CREBRF: variants seen among roughly 807,000 people sequenced by gnomAD.
CREBRF encodes the protein CREB3 regulatory factor.
CREBRF carries 5 observed loss-of-function variants against 66.1 expected under a neutral mutation model. That is an observed-to-expected ratio of 0.08 (90% CI 0.04 to 0.16). The LOEUF (loss-of-function observed/expected upper bound fraction) is 0.16. Ranked by LOEUF, CREBRF falls within the 10% of genes least tolerant of loss-of-function variation. The pLI is 1.00. For synonymous variants in CREBRF, 229 were observed against 264.4 expected, an observed-to-expected ratio of 0.87 and a Z score of 1.30; for missense variants, 531 against 744.9, an observed-to-expected ratio of 0.71 and a Z score of 3.34.
intron 4 of CREBRF, among the ~76,000 whole-genome samples, chr5:173,102,460 GGCTGGCCTATT>G (rs1160171283): frequency 2.0e-5 from 3 of 152,126 alleles, no homozygotes; most frequent in African/African-American, 7.2e-5. Context: ...TCCTTGGGTA[GGCTGGCCTATT>G]GCTGGAGTCA....
At chr5:173,085,632 G>A in intron 2 of CREBRF, 2 of 611,738 alleles carry the variant, frequency 3.3e-6, no homozygotes, top group Non-Finnish European at 5.9e-6. Context: ...GGCCAGGCTG[G>A]TCTTGAACTC....
Position 173,091,114 on chromosome 5 carries a change from C to T in CREBRF, c.935C>T (p.Ala312Val), listed in dbSNP as rs1267033547. 6.2e-7 allele frequency: 1 copy of T among 1,614,214 alleles called. No homozygotes were observed. The highest frequency in any genetic ancestry group is 8.5e-7 in the Non-Finnish European group (1 of 1,180,046). ...CCCCAGGAAGGTCCTGGGTCACTTG[C>T]AGCAGGAGAGAGCAGCAGTCTTTCT... ...PLPQEGPGSL[A>V]AGESSSLSAS... The change falls in exon 4 of 9, where the codon GCA (alanine) becomes GTA (valine). Residue 312 changes from alanine to valine, a missense_variant. Coordinates refer to ENST00000296953, the MANE Select transcript of CREBRF (RefSeq NM_153607.3).
rs1220646504 is a variant in CREBRF, at chr5:173,134,287, TATACAC to T, written c.*544_*549del. 16 of 164,622 alleles carry T rather than the reference TATACAC, an allele frequency of 9.7e-5. No homozygotes were observed. Among genetic ancestry groups the T allele is most frequent in the African/African-American group, 2.8e-4 (10 of 35,956 alleles). 10.2% of individuals were successfully genotyped at this position (164,622 alleles called of 1,614,324 possible). ...ATAAATATATATATATATATATATA[TATACAC>T]ACACACACACAAATGTCTGTGCAAG... On this transcript the variant is annotated 3_prime_UTR_variant, in exon 9 of 9. Transcript: ENST00000296953.
chr5:173,085,384 G>T, intron 2 of CREBRF: 3 of 1,240,172 alleles, frequency 2.4e-6, no homozygotes, highest in East Asian at 4.7e-5. Flanking sequence ...AGGCTCCAGG[G>T]CAGCCAATAT....
At chr5:173,057,596 A>G (rs1757112516) in intron 1 of CREBRF, 1 of 152,434 alleles carries the variant, frequency 6.6e-6, no homozygotes, top group African/African-American at 2.4e-5. Flanking sequence ...CTGGCCGCCA[A>G]ACCCTGTAAT....
chr5:173,119,506 T>C (rs1477979676), intron 7 of CREBRF, among the ~76,000 whole-genome samples: 1 of 152,220 alleles, frequency 6.6e-6, no homozygotes, highest in Non-Finnish European at 1.5e-5. Flanking sequence ...CATATTTTTG[T>C]GTATTACTCT....
intron 1 of CREBRF, among the ~76,000 whole-genome samples, chr5:173,069,907 A>AT (rs112414901): frequency 0.097 from 14,165 of 145,700 alleles, 781 homozygotes; most frequent in South Asian, 0.16. Context: ...GAAGGAAACA[A>AT]TTTTTTTTTT....
intron 4 of CREBRF, 107 bp downstream of exon 4, chr5:173,091,508 G>C (rs1044512525): frequency 2.0e-6 from 3 of 1,497,368 alleles, no homozygotes; most frequent in Admixed American, 4.7e-5. Flanking sequence ...TTTTAGTTTG[G>C]GAATTAAATG....
At position 173,135,173 on chromosome 5, in the gene CREBRF, A is replaced by G. The variant is rs946401830; in HGVS notation, c.*1428A>G. 2.0e-5 allele frequency: 3 copies of G among 152,500 alleles called. No homozygotes were observed. The highest frequency in any genetic ancestry group is 7.2e-5 in the African/African-American group (3 of 41,458). The allele number at this position is 152,500 out of a possible 1,614,324, so 9.4% of individuals were successfully genotyped here. On this transcript the variant is annotated 3_prime_UTR_variant, in exon 9 of 9. Transcript: ENST00000296953. ...ATTATTGTGCATGTAATATTTTCAA[A>G]GATCAACACAGGCTAAAACAAAAAC...
chr5:173,101,551 GTTTT>G (rs760914746), intron 4 of CREBRF, among the ~76,000 whole-genome samples: 1 of 142,852 alleles, frequency 7.0e-6, no homozygotes, highest in Non-Finnish European at 1.5e-5. Context: ...TCTTAGTGAA[GTTTT>G]TTTTTTTTTT....
chr5:173,122,505 C>G (rs1759159514), intron 7 of CREBRF, among the ~76,000 whole-genome samples: 2 of 149,168 alleles, frequency 1.3e-5, no homozygotes, highest in East Asian at 3.9e-4. Flanking sequence ...CTTACACATT[C>G]TCCATTTCTT....
chr5:173,103,491 A>G (rs1012249201), intron 4 of CREBRF, among the ~76,000 whole-genome samples: 2 of 152,212 alleles, frequency 1.3e-5, no homozygotes, highest in Non-Finnish European at 2.9e-5. Flanking sequence ...AAGGATAGCT[A>G]TAGTTTCTTC....
intron 8 of CREBRF, among the ~76,000 whole-genome samples, chr5:173,127,605 G>A (rs1041006608): frequency 2.0e-5 from 3 of 151,516 alleles, no homozygotes; most frequent in Admixed American, 1.3e-4. Context: ...GACTACAGGC[G>A]CATGCCACCG....
intron 8 of CREBRF, among the ~76,000 whole-genome samples, chr5:173,130,225 T>C (rs1484183128): frequency 6.6e-6 from 1 of 152,212 alleles, no homozygotes. Flanking sequence ...AATTGATCTA[T>C]GTTTGGTTTT....
intron 7 of CREBRF, among the ~76,000 whole-genome samples, chr5:173,118,864 C>A (rs1378251461): frequency 6.6e-6 from 1 of 150,934 alleles, no homozygotes; most frequent in Admixed American, 6.6e-5. Flanking sequence ...CATAGTGAGA[C>A]CCTTGTCTCT....
intron 7 of CREBRF, among the ~76,000 whole-genome samples, chr5:173,121,937 G>C (rs1759148234): frequency 6.6e-6 from 1 of 151,900 alleles, no homozygotes; most frequent in African/African-American, 2.4e-5. Context: ...CACCATCCTA[G>C]TGCAACTGCC....
At chr5:173,075,755 C>T (rs894582122) in intron 1 of CREBRF, among the ~76,000 whole-genome samples, 1 of 152,030 alleles carries the variant, frequency 6.6e-6, no homozygotes, top group African/African-American at 2.4e-5. Flanking sequence ...CACTTCCCTT[C>T]CTTTCCCACC....
chr5:173,091,270 T>A lies in CREBRF; in HGVS notation c.1091T>A (p.Val364Asp), dbSNP rs756475268. Residue 364 changes from valine to aspartate, a missense_variant, in exon 4 of 9, where the codon GTT (valine) becomes GAT (aspartate). Coordinates refer to ENST00000296953, the MANE Select transcript of CREBRF (RefSeq NM_153607.3). ...GAAGATGAGGAGGACGAGGAGGATG[T>A]TGATGATGAGGACCATGATGAAGGA... ...PEEDEEDEED[V>D]DDEDHDEGFG... 37 of 1,613,758 alleles carry A rather than the reference T, an allele frequency of 2.3e-5. No homozygotes were observed. In the East Asian group the frequency reaches 8.2e-4, roughly 36 times the overall value.
chr5:173,100,082 G>GTGTGTT (rs199600192), intron 4 of CREBRF, among the ~76,000 whole-genome samples: 1 of 66,790 alleles, frequency 1.5e-5, no homozygotes, highest in African/African-American at 4.9e-5. Flanking sequence ...AATCTTTTGT[G>GTGTGTT]TGTGTGTGTG....
Sources: allele counts gnomAD v4.1 joint callset (sites outside exome capture counted in the v4.1 genomes callset), GRCh38; gene constraint gnomAD v4.1.1; transcripts MANE v1.5; gene names NCBI Gene and HGNC (gene_info 2026-07-23, HGNC 2026-07-21).